Variants in DMRT1 observed in about 807,000 individuals in gnomAD.
DMRT1 encodes the protein doublesex and mab-3 related transcription factor 1.
DMRT1 carries 7 observed loss-of-function variants against 32.3 expected under a neutral mutation model. That is an observed-to-expected ratio of 0.22 (90% CI 0.12 to 0.41). DMRT1 has a LOEUF of 0.41. Ranked by LOEUF, DMRT1 falls within the 10% of genes least tolerant of loss-of-function variation. The pLI is 1.00. For synonymous variants in DMRT1, 278 were observed against 206.1 expected (o/e 1.35, Z -2.99); for missense variants, 625 against 500.5 (o/e 1.25, Z -2.37).
At chr9:899,978 G>C (rs1817509401) in intron 3 of DMRT1, among the ~76,000 whole-genome samples, 1 of 152,230 alleles carries the variant, frequency 6.6e-6, no homozygotes, top group South Asian at 2.1e-4. Context: ...CTCCTCTGAA[G>C]TGTTTTATGG....
intron 2 of DMRT1, among the ~76,000 whole-genome samples, chr9:851,053 A>G (rs1839128083): frequency 7.1e-6 from 1 of 140,642 alleles, no homozygotes; most frequent in Non-Finnish European, 1.6e-5. Flanking sequence ...AAAGAAAGAA[A>G]AATAGACGTG....
chr9:900,115 G>C (rs1410118154), intron 3 of DMRT1, among the ~76,000 whole-genome samples: 5 of 152,204 alleles, frequency 3.3e-5, no homozygotes, highest in African/African-American at 4.8e-5. Context: ...AGTCTTGGGA[G>C]AAGGCTGCTA....
chr9:939,211 A>C (rs555077336), intron 4 of DMRT1, among the ~76,000 whole-genome samples: 1 of 152,206 alleles, frequency 6.6e-6, no homozygotes, highest in Admixed American at 6.5e-5. Flanking sequence ...TCCTTTCAAG[A>C]TGCTTCCATC....
chr9:901,514 A>G (rs1250313179), intron 3 of DMRT1, among the ~76,000 whole-genome samples: 1 of 150,598 alleles, frequency 6.6e-6, no homozygotes, highest in Non-Finnish European at 1.5e-5. Flanking sequence ...TTTAGTAGAA[A>G]CGGGGTTTCA....
chr9:949,482 C>T (rs1202644109), intron 4 of DMRT1, among the ~76,000 whole-genome samples: 1 of 152,080 alleles, frequency 6.6e-6, no homozygotes, highest in African/African-American at 2.4e-5. Context: ...AAGTATACAC[C>T]CGTGACACGA....
At chr9:946,186 G>A (rs1385182663) in intron 4 of DMRT1, among the ~76,000 whole-genome samples, 1 of 148,842 alleles carries the variant, frequency 6.7e-6, no homozygotes, top group Non-Finnish European at 1.5e-5. Flanking sequence ...TTGTGCAATT[G>A]TGCTGGTGTT....
chr9:885,936 C>T (rs7852019), intron 2 of DMRT1, among the ~76,000 whole-genome samples: 10,222 of 152,180 alleles, frequency 0.067, 690 homozygotes, highest in African/African-American at 0.18. Flanking sequence ...TTCATTATAA[C>T]AACACAGCAC....
At chr9:864,379 T>C (rs1815867390) in intron 2 of DMRT1, among the ~76,000 whole-genome samples, 1 of 151,908 alleles carries the variant, frequency 6.6e-6, no homozygotes, top group South Asian at 2.1e-4. Context: ...AATTTTCATA[T>C]TTTTAGTTTC....
intron 2 of DMRT1, among the ~76,000 whole-genome samples, chr9:861,834 C>G (rs1413052304): frequency 4.1e-5 from 6 of 147,650 alleles, no homozygotes; most frequent in African/African-American, 1.5e-4. Flanking sequence ...ACGGGGCGGC[C>G]GGTCAGAGAC....
chr9:918,309 G>A (rs1393380190), intron 4 of DMRT1, among the ~76,000 whole-genome samples: 3 of 152,340 alleles, frequency 2.0e-5, no homozygotes, highest in East Asian at 1.9e-4. Context: ...CTTTCAGGAA[G>A]AAATTGCCTG....
chr9:915,118 A>G (rs1457856610), intron 3 of DMRT1, among the ~76,000 whole-genome samples: 1 of 152,254 alleles, frequency 6.6e-6, no homozygotes, highest in African/African-American at 2.4e-5. Context: ...GAATTGGTTT[A>G]TCTTGAACAT....
chr9:944,453 G>T (rs1236359374), intron 4 of DMRT1, among the ~76,000 whole-genome samples: 1 of 152,120 alleles, frequency 6.6e-6, no homozygotes, highest in Non-Finnish European at 1.5e-5. Context: ...CTCCCCTCTT[G>T]CTCCTCCCTC....
intron 4 of DMRT1, among the ~76,000 whole-genome samples, chr9:927,966 A>G (rs951889111): frequency 6.6e-6 from 1 of 152,194 alleles, no homozygotes; most frequent in African/African-American, 2.4e-5. Context: ...GTTGCCACCC[A>G]TTGTGGAGCA....
chr9:870,393 C>T (rs1327382512), intron 2 of DMRT1, among the ~76,000 whole-genome samples: 5 of 129,094 alleles, frequency 3.9e-5, no homozygotes, highest in African/African-American at 2.5e-5. Flanking sequence ...GAATGAAACT[C>T]TGTCTCAAAA....
At chr9:876,053 C>T (rs1816487358) in intron 2 of DMRT1, among the ~76,000 whole-genome samples, 1 of 152,100 alleles carries the variant, frequency 6.6e-6, no homozygotes, top group African/African-American at 2.4e-5. Context: ...TTTGCTGCAC[C>T]CTTTTATCCC....
intron 2 of DMRT1, among the ~76,000 whole-genome samples, chr9:862,742 G>C (rs945889069): frequency 6.6e-6 from 1 of 152,032 alleles, no homozygotes; most frequent in Admixed American, 6.6e-5. Flanking sequence ...GTTTTGGTGG[G>C]TGTTGTCAAT....
In DMRT1 at chr9:841,873, C is replaced by T. The variant is rs1838694879; in HGVS notation, c.35C>T (p.Thr12Ile). 1.2e-6 allele frequency: 2 copies of T among 1,612,680 alleles called. No individual in the cohort carries two copies. Among genetic ancestry groups the T allele is most frequent in the Non-Finnish European group, 8.5e-7 (1 of 1,179,566 alleles). Residue 12 changes from threonine (T) to isoleucine (I), a missense_variant, in exon 1 of 5, where the codon ACA (threonine) becomes ATA (isoleucine). By Grantham distance (89) the Thr-to-Ile change is moderately conservative. This residue lies in a region of DMRT1 where 201 missense variants were observed against 152.0 expected (regional missense o/e 1.32). Coordinates refer to ENST00000382276, the MANE Select transcript of DMRT1 (RefSeq NM_021951.3). ...GACGAGGCATTCAGCAAGCCCTCTA[C>T]ACCGTCGGAAGCCCCTCACGCCCCC... ...PNDEAFSKPSTPSEAPHAPGV... is the reference protein window; with the variant it reads ...PNDEAFSKPSIPSEAPHAPGV...
At chr9:919,611 A>G (rs181872635) in intron 4 of DMRT1, among the ~76,000 whole-genome samples, 2 of 152,174 alleles carry the variant, frequency 1.3e-5, no homozygotes, top group Admixed American at 1.3e-4. Context: ...TTAGGCTTTT[A>G]TTTCAAGTGA....
chr9:905,774 T>G (rs2129705007), intron 3 of DMRT1, among the ~76,000 whole-genome samples: 1 of 152,120 alleles, frequency 6.6e-6, no homozygotes, highest in South Asian at 2.1e-4. Context: ...ACACAGCCTT[T>G]CCGGGCTGTG....
Sources: gnomAD v4.1 joint callset for allele counts (sites outside exome capture counted in the v4.1 genomes callset) on GRCh38, gnomAD v4.1.1 for gene constraint, gnomAD v4.1.1 regional missense constraint, MANE v1.5 for transcripts, NCBI Gene and HGNC (gene_info 2026-07-23, HGNC 2026-07-21) for gene names.